The following PARP15 variants were observed in gnomAD, a reference collection of about 807,000 sequenced individuals.
PARP15 encodes the protein poly(ADP-ribose) polymerase family member 15, also known as protein mono-ADP-ribosyltransferase PARP15.
PARP15 carries 50 observed loss-of-function variants against 62.1 expected under a neutral mutation model. The observed-to-expected ratio is 0.81, with a 90% confidence interval of 0.64 to 1.02. The LOEUF is 1.02. Among genes scored for constraint, PARP15 ranks in the 50% least tolerant of loss-of-function variants. The pLI, the probability that PARP15 is intolerant of heterozygous loss-of-function variation, is 0.00. For missense variants in PARP15, 820 were observed against 826.5 expected (o/e 0.99, Z 0.10); for synonymous variants, 309 against 293.1 (o/e 1.05, Z -0.55).
At chr3:122,599,390 C>A (rs1183511592) in intron 1 of PARP15, among the ~76,000 whole-genome samples, 1 of 150,118 alleles carries the variant, frequency 6.7e-6, no homozygotes, top group Non-Finnish European at 1.5e-5. Context: ...AAAAAAGAAT[C>A]CCAAATGTAT....
intron 1 of PARP15, among the ~76,000 whole-genome samples, chr3:122,581,191 A>G (rs973525773): frequency 6.6e-6 from 1 of 152,170 alleles, no homozygotes; most frequent in Non-Finnish European, 1.5e-5. Flanking sequence ...GTATCTCTTC[A>G]AGATCCTGTT....
intron 9 of PARP15, among the ~76,000 whole-genome samples, chr3:122,628,573 G>T (rs1484510611): frequency 6.6e-6 from 1 of 152,108 alleles, no homozygotes; most frequent in Non-Finnish European, 1.5e-5. Context: ...AGCTTAACTG[G>T]TTCATCACTC....
At chr3:122,620,621 C>G (rs986223591) in intron 7 of PARP15, among the ~76,000 whole-genome samples, 1 of 151,492 alleles carries the variant, frequency 6.6e-6, no homozygotes, top group Non-Finnish European at 1.5e-5. Flanking sequence ...AACATGAGGA[C>G]GTTAGCAGGT....
chr3:122,602,882 T>C (rs75464842), intron 1 of PARP15, among the ~76,000 whole-genome samples: 8,785 of 152,308 alleles, frequency 0.058, 641 homozygotes, highest in African/African-American at 0.17. Flanking sequence ...CATTTACGAA[T>C]GTCACATTCT....
chr3:122,633,567 C>T (rs1311445717), intron 10 of PARP15, among the ~76,000 whole-genome samples: 2 of 151,346 alleles, frequency 1.3e-5, no homozygotes, highest in African/African-American at 4.9e-5. Context: ...ATTCCCTAAA[C>T]AATATAACAA....
intron 1 of PARP15, among the ~76,000 whole-genome samples, chr3:122,594,067 T>G (rs943640401): frequency 6.6e-6 from 1 of 152,208 alleles, no homozygotes; most frequent in Non-Finnish European, 1.5e-5. Context: ...GAATGACATA[T>G]TCACAGTCAC....
intron 2 of PARP15, among the ~76,000 whole-genome samples, chr3:122,609,262 A>T (rs540689499): frequency 6.6e-6 from 1 of 152,326 alleles, no homozygotes; most frequent in African/African-American, 2.4e-5. Flanking sequence ...ACTTCATATA[A>T]TACCTCATAT....
At chr3:122,622,462 C>G (rs1936412152) in intron 8 of PARP15, among the ~76,000 whole-genome samples, 1 of 152,204 alleles carries the variant, frequency 6.6e-6, no homozygotes, top group African/African-American at 2.4e-5. Flanking sequence ...GTCAGCAAGT[C>G]CTGCTGAATC....
At chr3:122,635,250 T>C (rs1386800092) in intron 11 of PARP15, 56 bp downstream of exon 11, 1 of 1,532,510 alleles carries the variant, frequency 6.5e-7, no homozygotes, top group African/African-American at 1.4e-5. Context: ...GTCTCAGACT[T>C]TTCATACCCA....
chr3:122,587,826 A>G (rs954689852), intron 1 of PARP15, among the ~76,000 whole-genome samples: 3 of 152,122 alleles, frequency 2.0e-5, no homozygotes, highest in African/African-American at 7.2e-5. Context: ...ACCCTGCTTC[A>G]TTGTTGTTTG....
In PARP15 at chr3:122,615,685, T is replaced by G. The variant is rs559819917; in HGVS notation, c.772-94T>G. ...GGAAATATTTTGAGAACTATTGTTA[T>G]CAACTCTTTGATATCTGATGATCAA... is the stretch of plus-strand genomic sequence containing the variant. On this transcript the variant is annotated intron_variant, in intron 4 of 11. Transcript: ENST00000464300. The G allele has an allele frequency of 3.8e-6, 6 of 1,596,838 alleles. No individual in the cohort carries two copies. The South Asian group carries it at 5.7e-5, about 15-fold the overall frequency.
intron 1 of PARP15, among the ~76,000 whole-genome samples, chr3:122,585,523 C>A (rs957814777): frequency 6.6e-6 from 1 of 152,130 alleles, no homozygotes; most frequent in Non-Finnish European, 1.5e-5. Flanking sequence ...ATGTAGTGTC[C>A]ACTACTTAAT....
At chr3:122,610,830 A>G in intron 3 of PARP15, 100 bp downstream of exon 3, 3 of 1,029,684 alleles carry the variant, frequency 2.9e-6, no homozygotes, top group Non-Finnish European at 4.1e-6. Context: ...TTTGCCCCAC[A>G]GAGGACAGTT....
In PARP15 at chr3:122,606,067, C is replaced by T. The variant is rs2107524044; in HGVS notation, c.306+12C>T. 1.3e-6 allele frequency: 2 copies of T among 1,550,050 alleles called. No individual in the cohort carries two copies. The highest frequency in any genetic ancestry group is 1.7e-4 in the Middle Eastern group (1 of 5,980). On this transcript the variant is annotated intron_variant, in intron 2 of 11. Transcript: ENST00000464300. ...TTCTGTACATCTGGGTAGGTGATGC[C>T]ATTTAATAAATCTACCAAGGAACAG...
chr3:122,599,360 G>A (rs1393577423), intron 1 of PARP15, among the ~76,000 whole-genome samples: 3 of 148,308 alleles, frequency 2.0e-5, no homozygotes, highest in East Asian at 1.9e-4. Context: ...GCAACAGAGC[G>A]AGACATAGTC....
chr3:122,583,241 C>T (rs1211313968), intron 1 of PARP15, among the ~76,000 whole-genome samples: 1 of 150,258 alleles, frequency 6.7e-6, no homozygotes, highest in Non-Finnish European at 1.5e-5. Flanking sequence ...CTTCCTCAGC[C>T]TCCTAAACGC....
At chr3:122,603,617 A>C (rs1934963403) in intron 1 of PARP15, among the ~76,000 whole-genome samples, 1 of 152,216 alleles carries the variant, frequency 6.6e-6, no homozygotes, top group Non-Finnish European at 1.5e-5. Context: ...CAAAACAAAA[A>C]GGAAAACCAA....
intron 4 of PARP15, 68 bp from the exon 5 acceptor site, chr3:122,615,711 T>C (rs768957894): frequency 1.2e-6 from 2 of 1,605,292 alleles, no homozygotes; most frequent in Non-Finnish European, 1.7e-6. Context: ...TGATGATCAA[T>C]GCTCCAAAGA....
At chr3:122,606,890 T>G (rs1201772074) in intron 2 of PARP15, among the ~76,000 whole-genome samples, 1 of 152,188 alleles carries the variant, frequency 6.6e-6, no homozygotes, top group Non-Finnish European at 1.5e-5. Flanking sequence ...GAAAGAGAAC[T>G]CTGCTGAGAA....
Sources: allele counts gnomAD v4.1 joint callset (sites outside exome capture counted in the v4.1 genomes callset), GRCh38; gene constraint gnomAD v4.1.1; transcripts MANE v1.5; gene names NCBI Gene and HGNC (gene_info 2026-07-23, HGNC 2026-07-21).